Variants in SIRPB1 observed in about 807,000 individuals in gnomAD.
SIRPB1 encodes the protein signal-regulatory protein beta-1.
In SIRPB1, 28 loss-of-function variants were observed where a neutral mutation model predicts 34.1. That is an observed-to-expected ratio of 0.82 (90% CI 0.61 to 1.12). SIRPB1 has a LOEUF of 1.12. Ranked by LOEUF, SIRPB1 falls within the 50% of genes most tolerant of loss-of-function variation. The probability of loss-of-function intolerance (pLI) is 0.00; values close to 1 mark genes in which losing one functional copy is unlikely to be tolerated. For synonymous variants in SIRPB1, 211 were observed against 203.8 expected, an observed-to-expected ratio of 1.04 and a Z score of -0.30; for missense variants, 499 against 507.0, an observed-to-expected ratio of 0.98 and a Z score of 0.15.
In SIRPB1 at chr20:1,578,406, T is replaced by G. The variant is rs760576567; in HGVS notation, c.365A>C (p.Lys122Thr). 6.3e-7 allele frequency: 1 copy of G among 1,587,350 alleles called. No individual in the cohort carries two copies. Among genetic ancestry groups the G allele is most frequent in the Middle Eastern group, 1.7e-4 (1 of 5,896 alleles). ...GTCGTCAGGGCTCCCTTTCCGGAAC[T>G]TCACACAGTAGTAGGTGCCGGCGTC... Reference protein sequence around the residue: ...PADAGTYYCVKFRKGSPDDVE... With the variant: ...PADAGTYYCVTFRKGSPDDVE... The change falls in exon 2 of 6, where the codon AAG (lysine) becomes ACG (threonine). Residue 122 changes from lysine (K) to threonine (T), a missense_variant. Coordinates refer to ENST00000381605, the MANE Select transcript of SIRPB1 (RefSeq NM_006065.5).
chr20:1,578,019 G>A, intron 2 of SIRPB1: 1 of 404,206 alleles, frequency 2.5e-6, no homozygotes, highest in Admixed American at 3.8e-5. Flanking sequence ...CCAGCCCTGT[G>A]CCTGGACAAG....
At position 1,596,961 on chromosome 20, in the gene SIRPB1, A is replaced by G. The variant is rs1400043899; in HGVS notation, c.77-18267T>C. On this transcript the variant is annotated intron_variant, in intron 1 of 5. Coordinates refer to ENST00000381605, the MANE Select transcript of SIRPB1 (RefSeq NM_006065.5). ...ACTGTTAAATTTTCAGGAATTGTGT[A>G]TTCTAGTTGTTAAAGTGTTAGAAGC... 1.6e-4 allele frequency among the ~76,000 whole-genome samples: 8 copies of G among 49,088 alleles called. 3 individuals carry two copies. The highest frequency in any genetic ancestry group is 1.2e-4 in the Non-Finnish European group (3 of 25,478). The allele number at this position is 49,088 out of a possible 152,430, so 32.2% of individuals were successfully genotyped here. A position where few individuals can be genotyped will look rare whatever the true frequency, so the allele number is the denominator to read the frequency against.
intron 1 of SIRPB1, among the ~76,000 whole-genome samples, chr20:1,616,081 A>T (rs1472528098): frequency 6.6e-6 from 1 of 152,236 alleles, no homozygotes. Flanking sequence ...GAACAAAAAT[A>T]ATGGAAAGAT....
At chr20:1,618,850 G>C (rs2091667831) in intron 1 of SIRPB1, among the ~76,000 whole-genome samples, 1 of 152,218 alleles carries the variant, frequency 6.6e-6, no homozygotes, top group Non-Finnish European at 1.5e-5. Context: ...AAATTTAAGA[G>C]AACCAAAGGA....
intron 1 of SIRPB1, among the ~76,000 whole-genome samples, chr20:1,615,931 C>T (rs971773796): frequency 6.6e-6 from 1 of 151,938 alleles, no homozygotes; most frequent in African/African-American, 2.4e-5. Context: ...ATTATTATGA[C>T]TTTATTGAAA....
intron 1 of SIRPB1, among the ~76,000 whole-genome samples, chr20:1,613,973 A>C (rs1431477472): frequency 6.6e-6 from 1 of 152,222 alleles, no homozygotes; most frequent in African/African-American, 2.4e-5. Flanking sequence ...ACTAAAGTCA[A>C]AGAGAGAATC....
At chr20:1,613,549 A>C (rs1320463218) in intron 1 of SIRPB1, among the ~76,000 whole-genome samples, 3 of 151,906 alleles carry the variant, frequency 2.0e-5, no homozygotes, top group Non-Finnish European at 4.4e-5. Context: ...AATTATAGGA[A>C]GAAATCAAAC....
Position 1,564,862 on chromosome 20 carries a change from G to A in SIRPB1, c.*638C>T. 2.5e-6 allele frequency: 1 copy of A among 398,514 alleles called. No individual in the cohort carries two copies. The allele number at this position is 398,514 out of a possible 1,614,324, so 24.7% of individuals were successfully genotyped here. A position where few individuals can be genotyped will look rare whatever the true frequency, so the allele number is the denominator to read the frequency against. On this transcript the variant is annotated 3_prime_UTR_variant, in exon 6 of 6. Transcript: ENST00000381605. Reference sequence around the variant, plus strand: ...GCATTTTGGAGGCAGAACTGAATATGAGTTGTAAAGGGCAGTCATCGAGGG... The same window carrying A: ...GCATTTTGGAGGCAGAACTGAATATAAGTTGTAAAGGGCAGTCATCGAGGG...
rs7265732 is a variant in SIRPB1, at chr20:1,576,211, G to T, written c.433+2127C>A. 3.5e-3 allele frequency among the ~76,000 whole-genome samples: 515 copies of T among 147,898 alleles called. 30 individuals carry two copies. The highest frequency in any genetic ancestry group is 0.011 in the African/African-American group (455 of 40,786). ...ACCACCTGGGCATTTCAGTGTCTTT[G>T]CCAATATTATCTGCACAATCAGGAT... is the stretch of plus-strand genomic sequence containing the variant. On this transcript the variant is annotated intron_variant, in intron 2 of 5. Coordinates refer to ENST00000381605, the MANE Select transcript of SIRPB1 (RefSeq NM_006065.5).
intron 3 of SIRPB1, 139 bp from the exon 4 acceptor site, chr20:1,571,276 G>T (rs1250251169): frequency 1.1e-6 from 1 of 905,814 alleles, no homozygotes; most frequent in Non-Finnish European, 1.7e-6. Flanking sequence ...CAGACATTGA[G>T]GGCACTCGTT....
intron 4 of SIRPB1, among the ~76,000 whole-genome samples, chr20:1,566,474 G>T (rs1164158358): frequency 6.6e-6 from 1 of 152,200 alleles, no homozygotes; most frequent in Non-Finnish European, 1.5e-5. Flanking sequence ...GTCCCAGGCT[G>T]CCAGTTTATC....
At chr20:1,569,652 C>A (rs183892729) in intron 4 of SIRPB1, among the ~76,000 whole-genome samples, 3 of 152,208 alleles carry the variant, frequency 2.0e-5, no homozygotes, top group Admixed American at 6.5e-5. Flanking sequence ...TTGGAAGGAA[C>A]CTGAGTCCTT....
intron 1 of SIRPB1, chr20:1,603,779 G>T: frequency 1.9e-6 from 1 of 514,716 alleles, no homozygotes; most frequent in Non-Finnish European, 2.6e-6. Context: ...GAAAGAAAAA[G>T]ATAAAATTTA....
intron 2 of SIRPB1, among the ~76,000 whole-genome samples, chr20:1,577,671 T>C (rs1394831035): frequency 4.8e-5 from 7 of 146,826 alleles, no homozygotes; most frequent in Non-Finnish European, 7.6e-5. Flanking sequence ...CCACAGCAAA[T>C]GCCAAACATA....
rs78299606 is a variant in SIRPB1, at chr20:1,578,380, C to T, written c.391G>A (p.Val131Met). The T allele has an allele frequency of 9.5e-6, 15 of 1,585,534 alleles. 1 individual carries two copies. Among genetic ancestry groups the T allele is most frequent in the East Asian group, 4.5e-5 (2 of 44,814 alleles). The change falls in exon 2 of 6, where the codon GTG becomes ATG. Residue 131 changes from valine to methionine, a missense_variant. Physicochemically the swap from Val to Met is conservative, Grantham distance 21 (BLOSUM62 1). Transcript: ENST00000381605. ...VKFRKGSPDD[V>M]EFKSGAGTEL... ...GTGCCTGCTCCAGACTTAAACTCCA[C>T]GTCGTCAGGGCTCCCTTTCCGGAAC...
chr20:1,615,491 A>G (rs1483351652), intron 1 of SIRPB1, among the ~76,000 whole-genome samples: 2 of 152,234 alleles, frequency 1.3e-5, no homozygotes, highest in Non-Finnish European at 2.9e-5. Context: ...TGAAAATACA[A>G]AACTAAGATC....
rs1348119495 is a variant in SIRPB1, at chr20:1,561,544, T to C, written c.*3956A>G. On this transcript the variant is annotated 3_prime_UTR_variant, in exon 6 of 6. Coordinates refer to ENST00000381605, the MANE Select transcript of SIRPB1 (RefSeq NM_006065.5). ...TTTTTTAGACTTTCCTTGATTTTGA[T>C]GACCTTGACAGTTTTGAGGAGTTCT... Among the ~76,000 whole-genome samples the C allele has an allele frequency of 6.6e-6, 1 of 152,244 alleles. No individual in the cohort carries two copies. The highest frequency in any genetic ancestry group is 1.5e-5 in the Non-Finnish European group (1 of 68,042).
At position 1,619,882 on chromosome 20, in the gene SIRPB1, C is replaced by T; in HGVS notation, c.63G>A (p.Leu21=). The change falls in exon 1 of 6, where the codon CTG becomes CTA. Residue 21 remains leucine, a synonymous_variant. Transcript: ENST00000381605. ...GGCAGTGCTCACCTGTGAGTCTCCCCAGCAGTAGCGTCATCAGCAGGAAAG... is the reference window on the plus strand; with the variant it reads ...GGCAGTGCTCACCTGTGAGTCTCCCTAGCAGTAGCGTCATCAGCAGGAAAG... ...PSPFLLMTLL[L]GRLTGVAGED... 1 of 1,613,462 alleles carries T rather than the reference C, an allele frequency of 6.2e-7. No homozygotes were observed. The highest frequency in any genetic ancestry group is 1.7e-4 in the Middle Eastern group (1 of 6,058).
rs1475224575 is a variant in SIRPB1 at position 1,579,303 on chromosome 20, A to C, written c.77-609T>G. On this transcript the variant is annotated intron_variant, in intron 1 of 5. Coordinates refer to ENST00000381605, the MANE Select transcript of SIRPB1 (RefSeq NM_006065.5). ...TTGGGTTGAGGACCTGAGTAGAACT[A>C]TTGAGCCCTCCTCGGAAGTGCCATG... 2.0e-5 allele frequency among the ~76,000 whole-genome samples: 3 copies of C among 148,232 alleles called. 1 individual carries two copies. The highest frequency in any genetic ancestry group is 4.5e-5 in the Non-Finnish European group (3 of 66,198).
Sources: allele counts gnomAD v4.1 joint callset (sites outside exome capture counted in the v4.1 genomes callset), GRCh38; gene constraint gnomAD v4.1.1; transcripts MANE v1.5; gene names NCBI Gene and HGNC (gene_info 2026-07-23, HGNC 2026-07-21).